FHOD3: variants seen among roughly 807,000 people sequenced by gnomAD.
The protein encoded by FHOD3 is FH1/FH2 domain-containing protein 3.
FHOD3 carries 90 observed loss-of-function variants against 173.0 expected under a neutral mutation model. That is an observed-to-expected ratio of 0.52 (90% CI 0.44 to 0.62). The LOEUF (loss-of-function observed/expected upper bound fraction) is 0.62. FHOD3 is among the 20% of genes least tolerant of loss of function. FHOD3 has a pLI of 0.00. For missense variants in FHOD3, 1,945 were observed against 2,034.7 expected, an observed-to-expected ratio of 0.96 and a Z score of 0.85; for synonymous variants, 828 against 823.0, an observed-to-expected ratio of 1.01 and a Z score of -0.10.
intron 6 of FHOD3, among the ~76,000 whole-genome samples, chr18:36,594,280 C>A (rs2029917762): frequency 6.6e-6 from 1 of 152,010 alleles, no homozygotes; most frequent in African/African-American, 2.4e-5. Context: ...TCCAGGCGGC[C>A]TTCTCTGCTT....
intron 6 of FHOD3, among the ~76,000 whole-genome samples, chr18:36,590,809 CAG>C (rs1214498847): frequency 6.6e-6 from 1 of 152,176 alleles, no homozygotes; most frequent in Non-Finnish European, 1.5e-5. Context: ...TGCTAGAAAA[CAG>C]TGGTTTCTTA....
intron 19 of FHOD3, among the ~76,000 whole-genome samples, chr18:36,720,769 C>CTCCTCCTCCTCT (rs199549868): frequency 7.4e-4 from 108 of 146,648 alleles, no homozygotes; most frequent in African/African-American, 1.0e-3. Flanking sequence ...GCTCCTTCTC[C>CTCCTCCTCCTCT]TCCTCCTCCT....
At chr18:36,640,121 A>G (rs920674322) in intron 10 of FHOD3, among the ~76,000 whole-genome samples, 2 of 152,206 alleles carry the variant, frequency 1.3e-5, no homozygotes, top group African/African-American at 4.8e-5. Context: ...TCTTGGGTAT[A>G]TTAGGGATCC....
At chr18:36,432,761 A>G (rs1023773622) in intron 3 of FHOD3, among the ~76,000 whole-genome samples, 5 of 152,168 alleles carry the variant, frequency 3.3e-5, no homozygotes, top group African/African-American at 1.2e-4. Context: ...CTCATATATA[A>G]CAATGGGTGC....
At chr18:36,536,422 T>C (rs2056994580) in intron 5 of FHOD3, among the ~76,000 whole-genome samples, 1 of 152,212 alleles carries the variant, frequency 6.6e-6, no homozygotes, top group Admixed American at 6.5e-5. Flanking sequence ...TTAACAAAAA[T>C]GGATTTAAGA....
In FHOD3 at chr18:36,522,923, T is replaced by G. The variant is rs139402760; in HGVS notation, c.511+10380T>G. Among the ~76,000 whole-genome samples the G allele has an allele frequency of 9.2e-5, 14 of 152,366 alleles. No individual in the cohort carries two copies. The East Asian group carries it at 2.7e-3, about 29-fold the overall frequency. ...TTGATTTGATTTTCAGTATCCTCAC[T>G]ATTTCAACCTCATTATCTTGTCGTC... On this transcript the variant is annotated intron_variant, in intron 5 of 28. Coordinates refer to ENST00000590592, the MANE Select transcript of FHOD3 (RefSeq NM_001281740.3).
chr18:36,712,700 T>C (rs1298080402), intron 18 of FHOD3, among the ~76,000 whole-genome samples: 1 of 152,100 alleles, frequency 6.6e-6, no homozygotes, highest in Non-Finnish European at 1.5e-5. Context: ...AAAAATGCTT[T>C]GAAGAAATAA....
chr18:36,745,910 G>A (rs1016139874), intron 23 of FHOD3, among the ~76,000 whole-genome samples: 3 of 151,600 alleles, frequency 2.0e-5, no homozygotes, highest in Admixed American at 2.0e-4. Flanking sequence ...TTTGCTTGCT[G>A]GACACAGCCT....
At chr18:36,539,691 T>C (rs915330631) in intron 5 of FHOD3, among the ~76,000 whole-genome samples, 25 of 152,216 alleles carry the variant, frequency 1.6e-4, no homozygotes, top group African/African-American at 5.3e-4. Flanking sequence ...TTTGGGGCTG[T>C]TTATCACCAT....
chr18:36,563,461 A>G (rs1418764277), intron 5 of FHOD3, among the ~76,000 whole-genome samples: 1 of 152,192 alleles, frequency 6.6e-6, no homozygotes, highest in Non-Finnish European at 1.5e-5. Context: ...AGATGATACC[A>G]TTGAAGTCCA....
At chr18:36,373,466 A>T (rs372875175) in intron 3 of FHOD3, among the ~76,000 whole-genome samples, 4 of 152,216 alleles carry the variant, frequency 2.6e-5, no homozygotes, top group South Asian at 4.2e-4. Context: ...TCATGGGTGG[A>T]GTGAAGGAAA....
At chr18:36,303,151 A>G (rs1469344009) in intron 1 of FHOD3, among the ~76,000 whole-genome samples, 2 of 152,082 alleles carry the variant, frequency 1.3e-5, no homozygotes, top group African/African-American at 4.8e-5. Flanking sequence ...CCTCACAACA[A>G]CTCTAGCAGG....
intron 17 of FHOD3, among the ~76,000 whole-genome samples, chr18:36,708,639 T>C (rs1439290115): frequency 6.6e-6 from 1 of 152,104 alleles, no homozygotes; most frequent in Non-Finnish European, 1.5e-5. Context: ...TCATTGAGGG[T>C]GATAGCAACA....
chr18:36,469,708 G>T (rs1310330080), intron 3 of FHOD3, among the ~76,000 whole-genome samples: 1 of 152,122 alleles, frequency 6.6e-6, no homozygotes, highest in Non-Finnish European at 1.5e-5. Context: ...ACCTTTGGTT[G>T]GATCTCAATG....
At chr18:36,651,200 A>G (rs986889201) in intron 11 of FHOD3, among the ~76,000 whole-genome samples, 1 of 152,046 alleles carries the variant, frequency 6.6e-6, no homozygotes, top group Admixed American at 6.5e-5. Context: ...CCATCAATCC[A>G]GGGAAACTGT....
At position 36,521,630 on chromosome 18, in the gene FHOD3, A is replaced by T. The variant is rs143120092; in HGVS notation, c.511+9087A>T. Among the ~76,000 whole-genome samples, 309 of 151,836 alleles carry T rather than the reference A, an allele frequency of 2.0e-3. 2 individuals carry two copies. The highest frequency in any genetic ancestry group is 7.0e-3 in the African/African-American group (288 of 41,396). On this transcript the variant is annotated intron_variant, in intron 5 of 28. Transcript: ENST00000590592. ...TCAGATCATCATTTGTTCCTTCCTAACCTGCTCTACCAGCTGCCTCATGGG... is the reference window on the plus strand; with the variant it reads ...TCAGATCATCATTTGTTCCTTCCTATCCTGCTCTACCAGCTGCCTCATGGG...
chr18:36,755,278 G>C lies in FHOD3; in HGVS notation c.4392G>C (p.Glu1464Asp). 1 of 1,605,280 alleles carries C rather than the reference G, an allele frequency of 6.2e-7. No individual in the cohort carries two copies. Among genetic ancestry groups the C allele is most frequent in the Non-Finnish European group, 8.5e-7 (1 of 1,175,038 alleles). The change falls in exon 25 of 29, where the codon GAG (glutamate) becomes GAC (aspartate). Residue 1464 changes from glutamate (E) to aspartate (D), a missense_variant. Physicochemically the swap from Glu to Asp is conservative, Grantham distance 45. Coordinates refer to ENST00000590592, the MANE Select transcript of FHOD3 (RefSeq NM_001281740.3). ...AACAGAAACGGGCCAACCACAGAGA[G>C]AGAAATAAGACCAGAGGGAAGATGA... ...QQKQKRANHRERNKTRGKMIT... is the reference protein window; with the variant it reads ...QQKQKRANHRDRNKTRGKMIT...
intron 2 of FHOD3, among the ~76,000 whole-genome samples, chr18:36,364,751 G>A (rs377123727): frequency 6.6e-6 from 1 of 152,204 alleles, no homozygotes; most frequent in Non-Finnish European, 1.5e-5. Flanking sequence ...GTATTGAGTG[G>A]GTAACCAGCA....
Position 36,695,982 on chromosome 18 carries a change from C to T in FHOD3, c.2236+2559C>T, listed in dbSNP as rs889994185. Among the ~76,000 whole-genome samples, 11 of 152,332 alleles carry T rather than the reference C, an allele frequency of 7.2e-5. 1 individual carries two copies. In the Middle Eastern group the frequency reaches 0.014, roughly 188 times the overall value. ...TGTTGGTCCTGCACCAAACACCTGG[C>T]ATGTCCAAACGTGCCAGGGATTGCC... On this transcript the variant is annotated intron_variant, in intron 17 of 28. Coordinates refer to ENST00000590592, the MANE Select transcript of FHOD3 (RefSeq NM_001281740.3).
Sources: gnomAD v4.1 joint callset for allele counts (sites outside exome capture counted in the v4.1 genomes callset) on GRCh38, gnomAD v4.1.1 for gene constraint, MANE v1.5 for transcripts, NCBI Gene and HGNC (gene_info 2026-07-23, HGNC 2026-07-21) for gene names.